ZNF143: variants seen among roughly 807,000 people sequenced by gnomAD.
The protein encoded by ZNF143 is SPH-binding factor.
In ZNF143, 49 loss-of-function variants were observed where a neutral mutation model predicts 74.1. That is an observed-to-expected ratio of 0.66 (90% CI 0.53 to 0.84). The LOEUF is 0.84. Ranked by LOEUF, ZNF143 falls within the 40% of genes least tolerant of loss-of-function variation. ZNF143 has a pLI of 0.00. For missense variants in ZNF143, 637 were observed against 793.4 expected, an observed-to-expected ratio of 0.80 and a Z score of 2.37; for synonymous variants, 304 against 282.8, an observed-to-expected ratio of 1.07 and a Z score of -0.75.
In ZNF143 at chr11:9,473,897, A is replaced by G. The variant is rs765327680; in HGVS notation, c.206-44A>G. The G allele has an allele frequency of 2.5e-6, 4 of 1,613,516 alleles. 1 individual carries two copies. The South Asian group carries it at 4.4e-5, about 18-fold the overall frequency. On this transcript the variant is annotated intron_variant, in intron 3 of 15. Transcript: ENST00000396602. ...ATTTTGAAATTGTATAAAGTTTAAA[A>G]TTTTTGTTTGTGCCAATTTATTGTC...
intron 5 of ZNF143, among the ~76,000 whole-genome samples, chr11:9,476,638 C>A (rs1329718597): frequency 6.7e-6 from 1 of 149,050 alleles, no homozygotes; most frequent in African/African-American, 2.5e-5. Flanking sequence ...TCCCAAAGTG[C>A]TGGGATTACA....
chr11:9,479,479 T>A lies in ZNF143; in HGVS notation c.578T>A (p.Ile193Asn). 1 of 1,612,604 alleles carries A rather than the reference T, an allele frequency of 6.2e-7. No homozygotes were observed. The highest frequency in any genetic ancestry group is 8.5e-7 in the Non-Finnish European group (1 of 1,179,338). ...TTTATTTTATTCCTATAGGTGTCCA[T>A]TGATGGAAGTGAAAGTGTAGCAGGT... ...ALEQYAAKVS[I>N]DGSESVAGTG... is the part of the protein sequence containing the mutation. Residue 193 changes from isoleucine to asparagine, a missense_variant, in exon 7 of 16, where the codon ATT (isoleucine) becomes AAT (asparagine). Around this residue, in one of 2 missense-constraint regions of ZNF143, gnomAD observed 293 missense variants for 307.8 expected, o/e 0.95. Coordinates refer to ENST00000396602, the MANE Select transcript of ZNF143 (RefSeq NM_003442.6).
chr11:9,464,593 C>A (rs1037155066), intron 1 of ZNF143, among the ~76,000 whole-genome samples: 1 of 149,746 alleles, frequency 6.7e-6, no homozygotes, highest in African/African-American at 2.5e-5. Context: ...AGAACAAGAC[C>A]CTGTCTCAAT....
intron 15 of ZNF143, among the ~76,000 whole-genome samples, chr11:9,526,794 G>C (rs2134291793): frequency 6.6e-6 from 1 of 152,208 alleles, no homozygotes; most frequent in Middle Eastern, 3.4e-3. Flanking sequence ...GGCACGGCAG[G>C]CTGGGAGTAC....
chr11:9,476,134 C>G (rs984371270), intron 5 of ZNF143, among the ~76,000 whole-genome samples: 17 of 151,876 alleles, frequency 1.1e-4, no homozygotes, highest in Non-Finnish European at 1.9e-4. Context: ...TGCAACCAGA[C>G]TATGTATATT....
rs541102584 is a variant in ZNF143, at chr11:9,483,423, A to C, written c.645+3877A>C. On this transcript the variant is annotated intron_variant, in intron 7 of 15. Coordinates refer to ENST00000396602, the MANE Select transcript of ZNF143 (RefSeq NM_003442.6). ...AGCAGTTCTCCTGCTCAGCCTCCCG[A>C]GTAGCTGAGACTGCAGGCACATGCC... 3.2e-4 allele frequency among the ~76,000 whole-genome samples: 47 copies of C among 148,018 alleles called. 6 individuals are homozygous for C. Among genetic ancestry groups the C allele is most frequent in the African/African-American group, 1.2e-3 (46 of 39,036 alleles).
intron 1 of ZNF143, among the ~76,000 whole-genome samples, chr11:9,464,666 A>T (rs1856088382): frequency 6.6e-6 from 1 of 152,148 alleles, no homozygotes; most frequent in African/African-American, 2.4e-5. Context: ...TCACGCCTGT[A>T]ATCCCAGCAC....
chr11:9,484,836 C>T (rs1179749676), intron 7 of ZNF143, among the ~76,000 whole-genome samples: 9 of 79,632 alleles, frequency 1.1e-4, no homozygotes, highest in Admixed American at 3.2e-4. Flanking sequence ...CTAGCTCTGT[C>T]GCCCAGGCTG....
At chr11:9,481,645 T>G (rs766400189) in intron 7 of ZNF143, among the ~76,000 whole-genome samples, 1 of 152,000 alleles carries the variant, frequency 6.6e-6, no homozygotes, top group Non-Finnish European at 1.5e-5. Context: ...CCTAGCACTT[T>G]GGGAGGCCGA....
intron 1 of ZNF143, among the ~76,000 whole-genome samples, chr11:9,462,488 A>G (rs752376487): frequency 6.6e-6 from 1 of 151,942 alleles, no homozygotes; most frequent in African/African-American, 2.4e-5. Flanking sequence ...ACTTGAGCCC[A>G]GGAGTTCCAG....
chr11:9,506,095 C>T (rs894678798), intron 11 of ZNF143, among the ~76,000 whole-genome samples: 26 of 151,706 alleles, frequency 1.7e-4, no homozygotes, highest in African/African-American at 6.3e-4. Flanking sequence ...CTTTGGGAGG[C>T]CAAGGTGGGT....
chr11:9,480,929 A>G (rs1420124001), intron 7 of ZNF143, among the ~76,000 whole-genome samples: 6 of 152,084 alleles, frequency 3.9e-5, no homozygotes, highest in Non-Finnish European at 7.4e-5. Context: ...TTATGCTTCT[A>G]CGCGTTGCTG....
At chr11:9,524,046 A>G (rs1252245693) in intron 14 of ZNF143, among the ~76,000 whole-genome samples, 2 of 62,026 alleles carry the variant, frequency 3.2e-5, no homozygotes, top group Non-Finnish European at 7.3e-5. Context: ...AGACTACCTC[A>G]AAAAAAAAAA....
chr11:9,483,091 T>G (rs56116319), intron 7 of ZNF143, among the ~76,000 whole-genome samples: 7,654 of 150,958 alleles, frequency 0.051, 291 homozygotes, highest in Non-Finnish European at 0.075. Context: ...CCTGCTGGGT[T>G]CAAATGATTC....
At chr11:9,478,337 A>C in intron 5 of ZNF143, 53 bp from the exon 6 acceptor site, 1 of 1,569,160 alleles carries the variant, frequency 6.4e-7, no homozygotes, top group Non-Finnish European at 8.7e-7. Context: ...AAATATGTAA[A>C]TATTTGTCAG....
Position 9,501,267 on chromosome 11 carries a change from A to G in ZNF143, c.1144A>G (p.Thr382Ala). ...TNYKNHVRIHTGEKPYVCTVP... is the reference protein window; with the variant it reads ...TNYKNHVRIHAGEKPYVCTVP... The stretch of plus-strand genomic sequence containing the variant: ...TTATAAAAACCATGTGAGGATACAC[A>G]CAGGTAACAATCTCTGATCTTTTGG... Residue 382 changes from threonine (T) to alanine (A), a missense_variant, in exon 11 of 16, where the codon ACA (threonine) becomes GCA (alanine). By Grantham distance (58) the Thr-to-Ala change is moderately conservative. Around this residue, in one of 2 missense-constraint regions of ZNF143, gnomAD observed 344 missense variants for 485.6 expected, o/e 0.71. Transcript: ENST00000396602. 1 of 1,613,644 alleles carries G rather than the reference A, an allele frequency of 6.2e-7. No homozygotes were observed. Among genetic ancestry groups the G allele is most frequent in the Non-Finnish European group, 8.5e-7 (1 of 1,179,800 alleles).
chr11:9,492,105 AT>A (rs34432476), intron 7 of ZNF143, among the ~76,000 whole-genome samples: 5,204 of 100,114 alleles, frequency 0.052, 78 homozygotes, highest in Non-Finnish European at 0.075. Context: ...CACCTGGCTA[AT>A]TTTTTTTTTT....
intron 14 of ZNF143, among the ~76,000 whole-genome samples, chr11:9,524,322 T>A (rs1392702062): frequency 6.6e-6 from 1 of 152,160 alleles, no homozygotes; most frequent in Non-Finnish European, 1.5e-5. Flanking sequence ...CTCAAAGCCT[T>A]CATATAGTTG....
chr11:9,525,979 A>G (rs1223705822), intron 15 of ZNF143, among the ~76,000 whole-genome samples: 1 of 152,044 alleles, frequency 6.6e-6, no homozygotes. Flanking sequence ...CATCACTACA[A>G]AAAACACAAA....
Sources: gnomAD v4.1 joint callset for allele counts (sites outside exome capture counted in the v4.1 genomes callset) on GRCh38, gnomAD v4.1.1 for gene constraint, gnomAD v4.1.1 regional missense constraint, MANE v1.5 for transcripts, NCBI Gene and HGNC (gene_info 2026-07-23, HGNC 2026-07-21) for gene names.